Variants in RBFOX2 observed in about 807,000 individuals in gnomAD.
RBFOX2 encodes RNA binding protein fox-1 homolog 2.
A neutral mutation model predicts 49.1 loss-of-function variants in RBFOX2; 10 were observed. That is an observed-to-expected ratio of 0.20 (90% CI 0.13 to 0.35). The LOEUF is 0.35. RBFOX2 is among the 10% of genes least tolerant of loss of function. The pLI, the probability that RBFOX2 is intolerant of heterozygous loss-of-function variation, is 1.00. For synonymous variants in RBFOX2, 183 were observed against 187.4 expected (o/e 0.98, Z 0.19); for missense variants, 323 against 486.9 (o/e 0.66, Z 3.17).
chr22:36,001,104 A>C (rs2058396541), intron 1 of RBFOX2, among the ~76,000 whole-genome samples: 1 of 152,034 alleles, frequency 6.6e-6, no homozygotes, highest in Non-Finnish European at 1.5e-5. Flanking sequence ...GGTCCTTCTC[A>C]GAAAGAAGAT....
chr22:36,001,955 T>C (rs1169332838), intron 1 of RBFOX2, among the ~76,000 whole-genome samples: 1 of 151,918 alleles, frequency 6.6e-6, no homozygotes, highest in African/African-American at 2.4e-5. Flanking sequence ...TCCCAGCTAC[T>C]TGGGAGGCTG....
intron 1 of RBFOX2, among the ~76,000 whole-genome samples, chr22:35,881,321 A>G (rs2045868966): frequency 6.6e-6 from 1 of 151,940 alleles, no homozygotes; most frequent in African/African-American, 2.4e-5. Flanking sequence ...CACGCCTATA[A>G]TCTCAGCACT....
intron 2 of RBFOX2, among the ~76,000 whole-genome samples, chr22:35,782,869 TTTTA>T (rs1174350267): frequency 6.6e-6 from 1 of 152,206 alleles, no homozygotes; most frequent in African/African-American, 2.4e-5. Context: ...TTTATTTATT[TTTTA>T]ATTTTTTACT....
At chr22:36,028,162 C>T in intron 1 of RBFOX2, 78 bp downstream of exon 1, 2 of 1,351,094 alleles carry the variant, frequency 1.5e-6, no homozygotes, top group Non-Finnish European at 1.9e-6. Context: ...GGCCCTCCCT[C>T]TCTCCAAGCC....
At chr22:36,026,291 A>AAACAAAGAATATCCAC (rs59794191) in intron 1 of RBFOX2, among the ~76,000 whole-genome samples, 1 of 150,590 alleles carries the variant, frequency 6.6e-6, no homozygotes, top group African/African-American at 2.5e-5. Flanking sequence ...GAAAGAAAAT[A>AAACAAAGAATATCCAC]AAATACAAGA....
intron 1 of RBFOX2, among the ~76,000 whole-genome samples, chr22:35,913,118 T>C (rs374025397): frequency 0.06 from 117 of 1,952 alleles, no homozygotes; most frequent in African/African-American, 0.19. Context: ...TTTTTTTAAT[T>C]GGAAGTAACC....
chr22:35,778,525 AATAAAG>A (rs1944431455), intron 3 of RBFOX2, among the ~76,000 whole-genome samples: 1 of 152,240 alleles, frequency 6.6e-6, no homozygotes, highest in South Asian at 2.1e-4. Flanking sequence ...GAAAACAGAA[AATAAAG>A]ATAATCTGCA....
chr22:36,013,719 C>G (rs1306383675), intron 1 of RBFOX2, among the ~76,000 whole-genome samples: 1 of 151,626 alleles, frequency 6.6e-6, no homozygotes, highest in Non-Finnish European at 1.5e-5. Flanking sequence ...AAAAAGTAGC[C>G]TCTGATATAG....
intron 1 of RBFOX2, among the ~76,000 whole-genome samples, chr22:35,947,274 T>G (rs6000042): frequency 0.029 from 4,470 of 152,210 alleles, 218 homozygotes; most frequent in African/African-American, 0.1. Flanking sequence ...AAACATTACT[T>G]ATGTGTTTGT....
At chr22:35,817,763 A>T (rs1387818787) in intron 1 of RBFOX2, among the ~76,000 whole-genome samples, 1 of 152,166 alleles carries the variant, frequency 6.6e-6, no homozygotes, top group Non-Finnish European at 1.5e-5. Flanking sequence ...CAGGAACACG[A>T]CCAGTACAAT....
At chr22:35,870,068 A>G (rs1272905464) in intron 1 of RBFOX2, among the ~76,000 whole-genome samples, 4 of 152,184 alleles carry the variant, frequency 2.6e-5, no homozygotes, top group Non-Finnish European at 4.4e-5. Context: ...GTAAATATGG[A>G]CTTTTGTGGC....
At chr22:35,791,490 G>A (rs1254315594) in intron 2 of RBFOX2, among the ~76,000 whole-genome samples, 5 of 151,984 alleles carry the variant, frequency 3.3e-5, no homozygotes, top group African/African-American at 1.2e-4. Flanking sequence ...ATACAGGCAC[G>A]AGTGTAAACA....
At chr22:35,752,000 A>G (rs1205755804) in intron 9 of RBFOX2, among the ~76,000 whole-genome samples, 2 of 152,208 alleles carry the variant, frequency 1.3e-5, no homozygotes, top group Non-Finnish European at 2.9e-5. Context: ...GCTATCAGCA[A>G]TCCTTCTAAC....
rs1400085495 is a variant in RBFOX2, at chr22:35,759,611, G to C, written c.887+277C>G. On this transcript the variant is annotated intron_variant, in intron 9 of 11. Coordinates refer to ENST00000405409, the Ensembl canonical transcript of RBFOX2. This position sits in a 1 kb window ranked among gnomAD's most constrained non-coding sequence, Gnocchi z 4.6. ...TGAGTGAACTTCATGCCAACACACTGCTAGTAAACACAAGACGGTTCTGGC... is the reference window on the plus strand; with the variant it reads ...TGAGTGAACTTCATGCCAACACACTCCTAGTAAACACAAGACGGTTCTGGC... 6.6e-6 allele frequency among the ~76,000 whole-genome samples: 1 copy of C among 152,162 alleles called. No homozygotes were observed. The highest frequency in any genetic ancestry group is 1.5e-5 in the Non-Finnish European group (1 of 68,022).
At chr22:35,892,755 T>C (rs1338038004) in intron 1 of RBFOX2, among the ~76,000 whole-genome samples, 3 of 152,218 alleles carry the variant, frequency 2.0e-5, no homozygotes, top group Non-Finnish European at 4.4e-5. Context: ...TATCTACTGT[T>C]ACATAAAATT....
At chr22:36,005,007 T>G (rs1166121358) in intron 1 of RBFOX2, among the ~76,000 whole-genome samples, 1 of 152,212 alleles carries the variant, frequency 6.6e-6, no homozygotes, top group Non-Finnish European at 1.5e-5. Context: ...TCCTCTAACA[T>G]AAGCTCATTC....
intron 3 of RBFOX2, among the ~76,000 whole-genome samples, chr22:35,780,059 G>A (rs563730394): frequency 1.4e-4 from 21 of 152,180 alleles, no homozygotes; most frequent in Middle Eastern, 6.8e-3. Context: ...TTTCTTCTGC[G>A]TAACCCAAGT....
intron 1 of RBFOX2, among the ~76,000 whole-genome samples, chr22:36,027,092 T>C (rs1603469741): frequency 6.6e-6 from 1 of 151,914 alleles, no homozygotes; most frequent in Admixed American, 6.6e-5. Context: ...TCCCCATCTA[T>C]AAAATAAGGT....
intron 1 of RBFOX2, among the ~76,000 whole-genome samples, chr22:35,869,175 T>G (rs1241536070): frequency 1.3e-5 from 2 of 152,112 alleles, no homozygotes; most frequent in African/African-American, 4.8e-5. Context: ...CTAAAGGGGC[T>G]AGTCCACTAA....
Sources: allele counts gnomAD v4.1 joint callset (sites outside exome capture counted in the v4.1 genomes callset), GRCh38; gene constraint gnomAD v4.1.1; non-coding constraint Gnocchi (gnomAD v3.1); transcripts MANE v1.5; gene names NCBI Gene and HGNC (gene_info 2026-07-23, HGNC 2026-07-21).